CCBE1: variants seen among roughly 807,000 people sequenced by gnomAD.
CCBE1 encodes collagen and calcium-binding EGF domain-containing protein 1.
CCBE1 carries 37 observed loss-of-function variants against 50.0 expected under a neutral mutation model. The ratio of observed to expected loss-of-function variants is 0.74; its 90% confidence interval spans 0.57 to 0.97. The LOEUF is 0.97. CCBE1 is among the 50% of genes least tolerant of loss of function. The probability of loss-of-function intolerance (pLI) is 0.00; values close to 1 mark genes in which losing one functional copy is unlikely to be tolerated. For synonymous variants in CCBE1, 234 were observed against 203.7 expected, an observed-to-expected ratio of 1.15 and a Z score of -1.27; for missense variants, 538 against 523.8, an observed-to-expected ratio of 1.03 and a Z score of -0.26.
chr18:59,465,379 A>T (rs9961790), intron 5 of CCBE1: 55,671 of 151,100 alleles, frequency 0.37, 10,936 homozygotes, highest in East Asian at 0.67. Context: ...CCCCTTTTCC[A>T]CTCTGCCTCG....
chr18:59,634,196 A>G (rs1263956970), intron 2 of CCBE1, among the ~76,000 whole-genome samples: 1 of 152,238 alleles, frequency 6.6e-6, no homozygotes. Flanking sequence ...ACTCTTAATG[A>G]AACAATGGCT....
intron 2 of CCBE1, among the ~76,000 whole-genome samples, chr18:59,606,824 C>A (rs796183222): frequency 6.6e-6 from 1 of 152,176 alleles, no homozygotes; most frequent in Non-Finnish European, 1.5e-5. Context: ...CTACATATTT[C>A]GACAGCTGTT....
At chr18:59,634,717 C>A (rs1003959682) in intron 2 of CCBE1, among the ~76,000 whole-genome samples, 1 of 151,894 alleles carries the variant, frequency 6.6e-6, no homozygotes, top group African/African-American at 2.4e-5. Flanking sequence ...AAAACATGAG[C>A]GAGGAACAAG....
At chr18:59,501,900 G>A (rs1913639836) in intron 2 of CCBE1, among the ~76,000 whole-genome samples, 1 of 152,134 alleles carries the variant, frequency 6.6e-6, no homozygotes, top group Admixed American at 6.5e-5. Context: ...TTGACCTTCT[G>A]GACTCCCCTC....
At chr18:59,610,219 A>G (rs1406053295) in intron 2 of CCBE1, among the ~76,000 whole-genome samples, 1 of 152,216 alleles carries the variant, frequency 6.6e-6, no homozygotes, top group Non-Finnish European at 1.5e-5. Context: ...GGGATGACCA[A>G]GCAGGTGCAT....
chr18:59,492,254 T>C (rs1913146607), intron 2 of CCBE1, among the ~76,000 whole-genome samples: 1 of 151,668 alleles, frequency 6.6e-6, no homozygotes, highest in Non-Finnish European at 1.5e-5. Context: ...TTTTTTTCCC[T>C]CTGGTAGAAG....
Position 59,697,419 on chromosome 18 carries a change from C to T in CCBE1, c.-77G>A. The T allele has an allele frequency of 1.3e-6, 2 of 1,502,110 alleles. No homozygotes were observed. 93.0% of individuals were successfully genotyped at this position (1,502,110 alleles called of 1,614,324 possible). A position where few individuals can be genotyped will look rare whatever the true frequency, so the allele number is the denominator to read the frequency against. On this transcript the variant is annotated 5_prime_UTR_variant, in exon 1 of 11. Transcript: ENST00000439986. ...TCCTGCTCCTCCGCGGCCGCCGCCG[C>T]CTTCCCTCTTCCCGGCAGGGGGCGC...
chr18:59,592,212 G>T (rs1038457204), intron 2 of CCBE1, among the ~76,000 whole-genome samples: 4 of 152,206 alleles, frequency 2.6e-5, no homozygotes, highest in African/African-American at 7.2e-5. Context: ...TCCAACCTGG[G>T]CAACACAGCA....
At chr18:59,602,793 C>T (rs1371045247) in intron 2 of CCBE1, among the ~76,000 whole-genome samples, 1 of 152,154 alleles carries the variant, frequency 6.6e-6, no homozygotes, top group Non-Finnish European at 1.5e-5. Context: ...TGCCAGAAGA[C>T]TACAGAGTGA....
chr18:59,629,224 G>A (rs2053823354), intron 2 of CCBE1, among the ~76,000 whole-genome samples: 1 of 152,132 alleles, frequency 6.6e-6, no homozygotes, highest in Admixed American at 6.5e-5. Flanking sequence ...AAAGGCCATT[G>A]CACTGCTAAT....
intron 2 of CCBE1, among the ~76,000 whole-genome samples, chr18:59,577,906 G>A (rs2053023166): frequency 6.6e-6 from 1 of 152,030 alleles, no homozygotes. Context: ...CATGGGCAAA[G>A]ACTTCATGAC....
At chr18:59,602,964 C>T (rs1387240404) in intron 2 of CCBE1, among the ~76,000 whole-genome samples, 2 of 152,202 alleles carry the variant, frequency 1.3e-5, no homozygotes, top group African/African-American at 4.8e-5. Flanking sequence ...TGTCTCGAAT[C>T]ATAAAATGCA....
At chr18:59,444,089 A>G (rs1412883345) in intron 7 of CCBE1, among the ~76,000 whole-genome samples, 2 of 150,084 alleles carry the variant, frequency 1.3e-5, no homozygotes, top group Middle Eastern at 3.4e-3. Flanking sequence ...TAAAGGCTGA[A>G]TAATATTCCA....
chr18:59,433,825 C>G lies in CCBE1; in HGVS notation c.*2083G>C, dbSNP rs1048275021. On this transcript the variant is annotated 3_prime_UTR_variant, in exon 11 of 11. Coordinates refer to ENST00000439986, the MANE Select transcript of CCBE1 (RefSeq NM_133459.4). The stretch of plus-strand genomic sequence containing the variant: ...TTCACTGTGGTCTCGATCTCCTGAC[C>G]TCGTGATCCGCCCGCCTCGGCCTCC... The G allele has an allele frequency of 1.3e-5, 2 of 149,202 alleles. No homozygotes were observed. Among genetic ancestry groups the G allele is most frequent in the South Asian group, 4.2e-4 (2 of 4,708 alleles). The allele number at this position is 149,202 out of a possible 1,614,324, so 9.2% of individuals were successfully genotyped here.
intron 2 of CCBE1, among the ~76,000 whole-genome samples, chr18:59,604,662 T>C (rs1481700710): frequency 6.6e-6 from 1 of 152,162 alleles, no homozygotes; most frequent in African/African-American, 2.4e-5. Flanking sequence ...GAAATTTCCA[T>C]GGTATGTGAT....
intron 2 of CCBE1, among the ~76,000 whole-genome samples, chr18:59,622,066 T>C (rs889865160): frequency 6.6e-6 from 1 of 152,204 alleles, no homozygotes; most frequent in Non-Finnish European, 1.5e-5. Flanking sequence ...CATTGAATAA[T>C]TCAAAGTCCA....
rs137983360 is a variant in CCBE1 at position 59,515,991 on chromosome 18, A to T, written c.213-35753T>A. ...TTTTATTTTTTTGAGATGGAGTCTCACTCTGTCGCCAGGCTGGAGTGCAGT... is the reference window on the plus strand; with the variant it reads ...TTTTATTTTTTTGAGATGGAGTCTCTCTCTGTCGCCAGGCTGGAGTGCAGT... On this transcript the variant is annotated intron_variant, in intron 2 of 10. Coordinates refer to ENST00000439986, the MANE Select transcript of CCBE1 (RefSeq NM_133459.4). 2.6e-3 allele frequency among the ~76,000 whole-genome samples: 393 copies of T among 152,184 alleles called. 10 individuals are homozygous for T. The East Asian group carries it at 0.049, about 19-fold the overall frequency.
intron 2 of CCBE1, among the ~76,000 whole-genome samples, chr18:59,613,279 C>T (rs1229676747): frequency 1.3e-5 from 2 of 152,144 alleles, no homozygotes; most frequent in Admixed American, 1.3e-4. Context: ...TGTCAAGGTA[C>T]AAACAGCAAA....
chr18:59,561,924 A>T (rs924654334), intron 2 of CCBE1, among the ~76,000 whole-genome samples: 2 of 152,110 alleles, frequency 1.3e-5, no homozygotes, highest in African/African-American at 4.8e-5. Context: ...GCTGCTGGAT[A>T]ATATCATGTT....
Sources: gnomAD v4.1 joint callset for allele counts (sites outside exome capture counted in the v4.1 genomes callset) on GRCh38, gnomAD v4.1.1 for gene constraint, MANE v1.5 for transcripts, NCBI Gene and HGNC (gene_info 2026-07-23, HGNC 2026-07-21) for gene names.